Variants in STIM2 observed in about 807,000 individuals in gnomAD.
The protein encoded by STIM2 is stromal interaction molecule 2.
In STIM2, 31 loss-of-function variants were observed where a neutral mutation model predicts 85.8. The ratio of observed to expected loss-of-function variants is 0.36; its 90% CI spans 0.27 to 0.49. The LOEUF (loss-of-function observed/expected upper bound fraction) is 0.49, where lower values mean the gene tolerates loss of function less well. Ranked by LOEUF, STIM2 falls within the 20% of genes least tolerant of loss-of-function variation. The probability of loss-of-function intolerance (pLI) is 0.98; values close to 1 mark genes in which losing one functional copy is unlikely to be tolerated. For missense variants in STIM2, 841 were observed against 927.6 expected, an observed-to-expected ratio of 0.91 and a Z score of 1.21; for synonymous variants, 356 against 331.1, an observed-to-expected ratio of 1.08 and a Z score of -0.82.
At chr4:26,989,474 G>A (rs1727689474) in intron 3 of STIM2, among the ~76,000 whole-genome samples, 2 of 152,090 alleles carry the variant, frequency 1.3e-5, no homozygotes, top group Admixed American at 6.5e-5. Context: ...CACAATAAAG[G>A]CCATATATGA....
chr4:26,878,721 G>A (rs559046504), intron 1 of STIM2, among the ~76,000 whole-genome samples: 1 of 152,256 alleles, frequency 6.6e-6, no homozygotes, highest in African/African-American at 2.4e-5. Flanking sequence ...GAACAAAAGG[G>A]GTTTAACTGA....
chr4:27,014,767 T>A (rs1197143512), intron 10 of STIM2, among the ~76,000 whole-genome samples: 2 of 152,000 alleles, frequency 1.3e-5, no homozygotes, highest in Non-Finnish European at 2.9e-5. Flanking sequence ...GAGAGATGTT[T>A]GTTAAAATCT....
At chr4:26,993,027 T>C (rs1281287456) in intron 3 of STIM2, among the ~76,000 whole-genome samples, 2 of 152,120 alleles carry the variant, frequency 1.3e-5, no homozygotes, top group Non-Finnish European at 2.9e-5. Context: ...ATGACTTTGA[T>C]GTGCTGAAGT....
intron 10 of STIM2, among the ~76,000 whole-genome samples, chr4:27,012,156 A>T (rs1047044727): frequency 1.3e-5 from 2 of 151,998 alleles, no homozygotes; most frequent in African/African-American, 4.8e-5. Flanking sequence ...ATTTTGTTTC[A>T]CTGGCCCTAT....
chr4:26,868,175 C>T (rs1437223407), intron 1 of STIM2, among the ~76,000 whole-genome samples: 1 of 152,138 alleles, frequency 6.6e-6, no homozygotes, highest in Non-Finnish European at 1.5e-5. Flanking sequence ...GTGGTAACTC[C>T]CCTCCAGTAC....
rs971478996 is a variant in STIM2, at chr4:27,024,106, ATTG to A, written c.*1113_*1115del. The A allele has an allele frequency of 2.6e-5, 4 of 152,118 alleles. No homozygotes were observed. The highest frequency in any genetic ancestry group is 2.1e-4 in the South Asian group (1 of 4,838). 9.4% of individuals were successfully genotyped at this position (152,118 alleles called of 1,614,324 possible). A position where few individuals can be genotyped will look rare whatever the true frequency, so the allele number is the denominator to read the frequency against. The stretch of plus-strand genomic sequence containing the variant: ...AGTTGTCAACAAATTTCTATTTTAT[ATTG>A]TTATATTTTTATGTAGTTTGAAATG... On this transcript the variant is annotated 3_prime_UTR_variant, in exon 12 of 12. Coordinates refer to ENST00000467087, the MANE Select transcript of STIM2 (RefSeq NM_020860.4).
chr4:26,943,218 A>G (rs1243392911), intron 2 of STIM2, among the ~76,000 whole-genome samples: 2 of 152,140 alleles, frequency 1.3e-5, no homozygotes, highest in Non-Finnish European at 2.9e-5. Context: ...CTTTAAAGAA[A>G]CATTTTAACA....
intron 2 of STIM2, among the ~76,000 whole-genome samples, chr4:26,953,553 T>C (rs1560218260): frequency 1.3e-5 from 2 of 152,008 alleles, no homozygotes; most frequent in Admixed American, 6.6e-5. Flanking sequence ...AAATCACCTC[T>C]CCTGAGTATT....
chr4:27,013,366 A>G (rs1203254944), intron 10 of STIM2, among the ~76,000 whole-genome samples: 1 of 152,000 alleles, frequency 6.6e-6, no homozygotes, highest in Non-Finnish European at 1.5e-5. Context: ...TATAAATTAA[A>G]CTTTATTATA....
chr4:26,995,900 C>T (rs944838916), intron 4 of STIM2, among the ~76,000 whole-genome samples: 2 of 151,946 alleles, frequency 1.3e-5, no homozygotes, highest in African/African-American at 2.4e-5. Flanking sequence ...CGAATTATGG[C>T]GTCTATACGT....
In STIM2 at chr4:26,877,598, C is replaced by T. The variant is rs150149704; in HGVS notation, c.151+16229C>T. Among the ~76,000 whole-genome samples, 62 of 151,692 alleles carry T rather than the reference C, an allele frequency of 4.1e-4. No individual in the cohort carries two copies. The East Asian group carries it at 6.6e-3, about 16-fold the overall frequency. ...GTGTCTAGAAATGCGTATACCTCCTCTGTCACACTGTTGGTATGGTAGGTT... is the reference window on the plus strand; with the variant it reads ...GTGTCTAGAAATGCGTATACCTCCTTTGTCACACTGTTGGTATGGTAGGTT... On this transcript the variant is annotated intron_variant, in intron 1 of 11. Coordinates refer to ENST00000467087, the MANE Select transcript of STIM2 (RefSeq NM_020860.4).
intron 2 of STIM2, among the ~76,000 whole-genome samples, chr4:26,943,696 C>T (rs1342593004): frequency 1.3e-5 from 2 of 152,052 alleles, no homozygotes; most frequent in East Asian, 1.9e-4. Context: ...TATGTCTTCT[C>T]AGTGGATGGG....
chr4:26,994,581 A>G (rs1435231497), intron 3 of STIM2, among the ~76,000 whole-genome samples: 4 of 152,080 alleles, frequency 2.6e-5, no homozygotes, highest in African/African-American at 7.2e-5. Flanking sequence ...TATTCTCCAC[A>G]TTGAAGAACA....
intron 1 of STIM2, among the ~76,000 whole-genome samples, chr4:26,872,684 T>G (rs1318654241): frequency 6.6e-6 from 1 of 152,176 alleles, no homozygotes; most frequent in Non-Finnish European, 1.5e-5. Flanking sequence ...CAAAGATGAA[T>G]GAGATTGAGG....
intron 3 of STIM2, among the ~76,000 whole-genome samples, chr4:26,994,483 G>A (rs150064383): frequency 1.4e-4 from 21 of 152,026 alleles, no homozygotes; most frequent in African/African-American, 5.1e-4. Context: ...ACCCTTTCCT[G>A]TCTAGGCAAT....
chr4:26,981,835 T>G (rs1450159313), intron 3 of STIM2, among the ~76,000 whole-genome samples: 1 of 152,238 alleles, frequency 6.6e-6, no homozygotes, highest in African/African-American at 2.4e-5. Context: ...CTTTTTATTA[T>G]ATCATTTTGG....
At chr4:26,897,360 A>C (rs901488384) in intron 1 of STIM2, among the ~76,000 whole-genome samples, 1 of 152,140 alleles carries the variant, frequency 6.6e-6, no homozygotes, top group South Asian at 2.1e-4. Context: ...TCATAATTTG[A>C]ATTTCCCTAA....
intron 2 of STIM2, 81 bp downstream of exon 2, chr4:26,919,715 T>G: frequency 6.5e-7 from 1 of 1,527,738 alleles, no homozygotes; most frequent in Non-Finnish European, 8.8e-7. Flanking sequence ...ATTTTCTCTT[T>G]CCTCATGTGG....
At chr4:26,933,482 A>G (rs969763724) in intron 2 of STIM2, among the ~76,000 whole-genome samples, 1 of 152,310 alleles carries the variant, frequency 6.6e-6, no homozygotes, top group African/African-American at 2.4e-5. Flanking sequence ...ATCAATTAGC[A>G]TTTCTGATAG....
Sources: gnomAD v4.1 joint callset for allele counts (sites outside exome capture counted in the v4.1 genomes callset) on GRCh38, gnomAD v4.1.1 for gene constraint, MANE v1.5 for transcripts, NCBI Gene and HGNC (gene_info 2026-07-23, HGNC 2026-07-21) for gene names.